The following NALF1 variants were observed in gnomAD, a reference collection of about 807,000 sequenced individuals.
NALF1 encodes family with sequence similarity 155 member A.
In NALF1, 3 loss-of-function variants were observed where a neutral mutation model predicts 48.4. The observed-to-expected ratio is 0.06, with a 90% CI of 0.03 to 0.16. The LOEUF (loss-of-function observed/expected upper bound fraction) is 0.16, where lower values mean the gene tolerates loss of function less well. Among genes scored for constraint, NALF1 ranks in the 10% least tolerant of loss-of-function variants. The pLI is 1.00. For missense variants in NALF1, 526 were observed against 571.5 expected, an observed-to-expected ratio of 0.92 and a Z score of 0.81; for synonymous variants, 262 against 245.7, an observed-to-expected ratio of 1.07 and a Z score of -0.62.
At chr13:107,526,582 G>A (rs1876452672) in intron 1 of NALF1, among the ~76,000 whole-genome samples, 1 of 152,088 alleles carries the variant, frequency 6.6e-6, no homozygotes, top group Non-Finnish European at 1.5e-5. Flanking sequence ...TACTGTAGAA[G>A]GACGAACACT....
At chr13:107,217,006 C>T (rs1004205040) in intron 1 of NALF1, among the ~76,000 whole-genome samples, 1 of 152,186 alleles carries the variant, frequency 6.6e-6, no homozygotes, top group Admixed American at 6.5e-5. Context: ...ATGTCTCCAG[C>T]GTTATGCAAA....
chr13:107,444,918 A>T (rs369233198), intron 1 of NALF1, among the ~76,000 whole-genome samples: 15 of 152,230 alleles, frequency 9.9e-5, no homozygotes, highest in South Asian at 2.1e-4. Context: ...AGTTGCAGAA[A>T]TTTTTTTTAT....
At chr13:107,726,366 T>C (rs1258311832) in intron 1 of NALF1, among the ~76,000 whole-genome samples, 1 of 152,150 alleles carries the variant, frequency 6.6e-6, no homozygotes, top group Non-Finnish European at 1.5e-5. Context: ...TGATGGAATA[T>C]TTATGTCCTT....
chr13:107,533,940 A>G (rs943611717), intron 1 of NALF1, among the ~76,000 whole-genome samples: 2 of 152,096 alleles, frequency 1.3e-5, no homozygotes, highest in Admixed American at 1.3e-4. Context: ...GGGAGAGACA[A>G]AAAGATCTAT....
chr13:107,714,076 G>C (rs1226443752), intron 1 of NALF1, among the ~76,000 whole-genome samples: 1 of 152,140 alleles, frequency 6.6e-6, no homozygotes, highest in Non-Finnish European at 1.5e-5. Context: ...TCAACTCTCT[G>C]ATTTCAGTTG....
chr13:107,435,847 C>T (rs1480502015), intron 1 of NALF1, among the ~76,000 whole-genome samples: 1 of 152,152 alleles, frequency 6.6e-6, no homozygotes, highest in Non-Finnish European at 1.5e-5. Flanking sequence ...ACAAAAGCCA[C>T]TTCTCCATGT....
intron 2 of NALF1, among the ~76,000 whole-genome samples, chr13:107,182,919 G>A (rs1879097015): frequency 6.6e-6 from 1 of 152,130 alleles, no homozygotes; most frequent in Non-Finnish European, 1.5e-5. Flanking sequence ...TAAAAACGGG[G>A]GATGGCAGGA....
At chr13:107,726,753 G>A (rs553703922) in intron 1 of NALF1, among the ~76,000 whole-genome samples, 1 of 151,082 alleles carries the variant, frequency 6.6e-6, no homozygotes, top group Non-Finnish European at 1.5e-5. Flanking sequence ...AGGACTACAA[G>A]GCACAGGCCA....
intron 1 of NALF1, among the ~76,000 whole-genome samples, chr13:107,353,349 T>C (rs1882907948): frequency 1.3e-5 from 2 of 152,198 alleles, no homozygotes; most frequent in African/African-American, 2.4e-5. Flanking sequence ...AACCATTGCA[T>C]TGGGAGTGGG....
At chr13:107,734,471 C>A (rs1876408912) in intron 1 of NALF1, among the ~76,000 whole-genome samples, 1 of 151,870 alleles carries the variant, frequency 6.6e-6, no homozygotes, top group South Asian at 2.1e-4. Flanking sequence ...GATGCAGAGT[C>A]ATGAAAATAT....
intron 1 of NALF1, among the ~76,000 whole-genome samples, chr13:107,776,263 C>G (rs1255407164): frequency 6.6e-6 from 1 of 152,044 alleles, no homozygotes; most frequent in African/African-American, 2.4e-5. Flanking sequence ...CCTGCTCCAT[C>G]TCTCATCAGC....
At chr13:107,707,168 C>T (rs992797117) in intron 1 of NALF1, among the ~76,000 whole-genome samples, 3 of 151,702 alleles carry the variant, frequency 2.0e-5, no homozygotes, top group East Asian at 1.9e-4. Flanking sequence ...GTGATCCGCC[C>T]GCCTCGGCCT....
intron 1 of NALF1, among the ~76,000 whole-genome samples, chr13:107,574,042 C>T (rs1386231832): frequency 6.6e-6 from 1 of 151,854 alleles, no homozygotes. Flanking sequence ...AACATGAAAA[C>T]AAAAAACAAT....
At chr13:107,522,537 T>C (rs961233326) in intron 1 of NALF1, among the ~76,000 whole-genome samples, 2 of 152,000 alleles carry the variant, frequency 1.3e-5, no homozygotes, top group African/African-American at 4.8e-5. Context: ...AGATAAACTT[T>C]CCTTCAGTTC....
intron 1 of NALF1, among the ~76,000 whole-genome samples, chr13:107,487,110 C>T (rs1885341755): frequency 6.6e-6 from 1 of 152,252 alleles, no homozygotes; most frequent in East Asian, 1.9e-4. Flanking sequence ...TTCCAGACCA[C>T]CCGTGGGTGA....
At chr13:107,774,869 G>A (rs1399184633) in intron 1 of NALF1, among the ~76,000 whole-genome samples, 1 of 152,012 alleles carries the variant, frequency 6.6e-6, no homozygotes, top group Non-Finnish European at 1.5e-5. Flanking sequence ...TCCGAGTCAG[G>A]AGGGCTCTTT....
At chr13:107,630,976 T>C (rs117078998) in intron 1 of NALF1, among the ~76,000 whole-genome samples, 2,449 of 152,202 alleles carry the variant, frequency 0.016, 26 homozygotes, top group Non-Finnish European at 0.026. Flanking sequence ...AAAAATAGCA[T>C]TTTTTCTTAT....
intron 1 of NALF1, among the ~76,000 whole-genome samples, chr13:107,540,061 C>CACACACACACACACAT (rs1011258315): frequency 6.6e-6 from 1 of 152,002 alleles, no homozygotes; most frequent in African/African-American, 2.4e-5. Flanking sequence ...CACACACACA[C>CACACACACACACACAT]ACACACACAT....
intron 1 of NALF1, among the ~76,000 whole-genome samples, chr13:107,381,551 C>A (rs545902064): frequency 2.6e-5 from 4 of 152,016 alleles, no homozygotes; most frequent in African/African-American, 7.2e-5. Context: ...TGCATCCCTA[C>A]GCACCGCCCC....
Sources: gnomAD v4.1 joint callset for allele counts (sites outside exome capture counted in the v4.1 genomes callset) on GRCh38, gnomAD v4.1.1 for gene constraint, MANE v1.5 for transcripts, NCBI Gene and HGNC (gene_info 2026-07-23, HGNC 2026-07-21) for gene names.